Variants in CYP11A1 observed in about 807,000 individuals in gnomAD.
The protein encoded by CYP11A1 is cholesterol side-chain cleavage enzyme, mitochondrial.
Under a neutral mutation model 51.9 loss-of-function variants are expected in CYP11A1, and 25 were observed. The ratio of observed to expected loss-of-function variants is 0.48; its 90% confidence interval spans 0.35 to 0.67. CYP11A1 has a LOEUF of 0.67. Ranked by LOEUF, CYP11A1 falls within the 30% of genes least tolerant of loss-of-function variation. The pLI is 0.00. For missense variants in CYP11A1, 578 were observed against 680.9 expected (o/e 0.85, Z 1.68); for synonymous variants, 245 against 262.1 (o/e 0.93, Z 0.63).
chr15:74,346,489 G>C (rs935399251), intron 2 of CYP11A1, among the ~76,000 whole-genome samples: 2 of 151,864 alleles, frequency 1.3e-5, no homozygotes, highest in South Asian at 4.2e-4. Flanking sequence ...ATTTTGACTG[G>C]TGTGTACCAC....
At chr15:74,344,982 AGAGTGAACACT>A (rs777958141) in intron 3 of CYP11A1, 51 bp downstream of exon 3, 2 of 1,458,266 alleles carry the variant, frequency 1.4e-6, no homozygotes, top group East Asian at 4.5e-5. Flanking sequence ...TCAAGGTAAG[AGAGTGAACACT>A]GAGTCCTCCC....
intron 1 of CYP11A1, among the ~76,000 whole-genome samples, chr15:74,348,719 T>G (rs2060643046): frequency 6.6e-6 from 1 of 152,216 alleles, no homozygotes; most frequent in South Asian, 2.1e-4. Context: ...CAATCTGTAT[T>G]AAATACAACT....
intron 2 of CYP11A1, among the ~76,000 whole-genome samples, chr15:74,346,746 G>C (rs2060634635): frequency 6.6e-6 from 1 of 151,164 alleles, no homozygotes; most frequent in African/African-American, 2.4e-5. Flanking sequence ...GAGAGCCCCA[G>C]TTGCTCTGTA....
chr15:74,360,198 G>C (rs936736411), intron 1 of CYP11A1, among the ~76,000 whole-genome samples: 9 of 152,182 alleles, frequency 5.9e-5, no homozygotes, highest in African/African-American at 1.7e-4. Context: ...AAGGCCTGGG[G>C]ACACGTGGAG....
At chr15:74,361,158 G>A (rs1170602217) in intron 1 of CYP11A1, among the ~76,000 whole-genome samples, 2 of 152,116 alleles carry the variant, frequency 1.3e-5, no homozygotes, top group East Asian at 3.9e-4. Flanking sequence ...AGATGAATCA[G>A]AGGGCCCCTG....
intron 1 of CYP11A1, among the ~76,000 whole-genome samples, chr15:74,357,169 T>C (rs2060684198): frequency 6.6e-6 from 1 of 152,328 alleles, no homozygotes; most frequent in Non-Finnish European, 1.5e-5. Context: ...TATTCTGTTC[T>C]GGATCTCAAA....
intron 2 of CYP11A1, among the ~76,000 whole-genome samples, chr15:74,346,466 A>T (rs1352204113): frequency 6.6e-6 from 1 of 151,416 alleles, no homozygotes; most frequent in African/African-American, 2.4e-5. Context: ...GCTGTGGGAG[A>T]CTGAGTCCCT....
chr15:74,357,989 G>A (rs2060688862), intron 1 of CYP11A1, among the ~76,000 whole-genome samples: 1 of 152,136 alleles, frequency 6.6e-6, no homozygotes, highest in Non-Finnish European at 1.5e-5. Flanking sequence ...TGAATTACAC[G>A]TCAATATTTA....
chr15:74,346,069 T>C (rs2060631280), intron 2 of CYP11A1, among the ~76,000 whole-genome samples: 1 of 152,080 alleles, frequency 6.6e-6, no homozygotes. Context: ...TAAAAAGCTG[T>C]CGGTCAGACA....
At chr15:74,354,091 G>C (rs146483496) in intron 1 of CYP11A1, among the ~76,000 whole-genome samples, 3,321 of 152,226 alleles carry the variant, frequency 0.022, 84 homozygotes, top group African/African-American at 0.066. Flanking sequence ...TCATTGCAAT[G>C]TGTTTGTTTG....
intron 1 of CYP11A1, among the ~76,000 whole-genome samples, chr15:74,353,662 T>G (rs1277055909): frequency 6.6e-6 from 1 of 152,196 alleles, no homozygotes; most frequent in Non-Finnish European, 1.5e-5. Flanking sequence ...CACTGTAGCC[T>G]CCAGGGTAAA....
At chr15:74,363,627 G>T (rs975346757) in intron 1 of CYP11A1, 1 of 152,162 alleles carries the variant, frequency 6.6e-6, no homozygotes, top group Non-Finnish European at 1.5e-5. Context: ...TCTCCCTGAC[G>T]AGCTGTATGC....
chr15:74,361,625 T>C, intron 1 of CYP11A1: 2 of 1,190,966 alleles, frequency 1.7e-6, no homozygotes, highest in Non-Finnish European at 2.5e-6. Flanking sequence ...TTGAGCTGTT[T>C]GCAGACAAGA....
chr15:74,355,393 C>T (rs2060674589), intron 1 of CYP11A1, among the ~76,000 whole-genome samples: 1 of 152,150 alleles, frequency 6.6e-6, no homozygotes, highest in South Asian at 2.1e-4. Context: ...AGGTACCTGA[C>T]ACCCAGGCAT....
chr15:74,348,175 T>A, intron 1 of CYP11A1, 120 bp from the exon 2 acceptor site: 3 of 1,113,382 alleles, frequency 2.7e-6, no homozygotes, highest in Non-Finnish European at 3.9e-6. Flanking sequence ...TCGAGGCCCT[T>A]AACCCCTCTG....
At chr15:74,339,385 T>G (rs750350590) in intron 6 of CYP11A1, 70 bp from the exon 7 acceptor site, 83 of 1,517,842 alleles carry the variant, frequency 5.5e-5, no homozygotes, top group Non-Finnish European at 7.2e-5. Context: ...CCCCACACCC[T>G]GTGTGGCATC....
intron 1 of CYP11A1, among the ~76,000 whole-genome samples, chr15:74,352,751 T>TG (rs1363123085): frequency 6.6e-6 from 1 of 152,232 alleles, no homozygotes. Flanking sequence ...GCCCACTCCT[T>TG]GCCTTGAGTT....
intron 1 of CYP11A1, chr15:74,363,701 G>A (rs942070510): frequency 6.6e-6 from 1 of 152,136 alleles, no homozygotes; most frequent in African/African-American, 2.4e-5. Flanking sequence ...CTCTTCAACT[G>A]GAATAACAGG....
intron 1 of CYP11A1, chr15:74,366,161 C>T: frequency 1.0e-6 from 1 of 985,558 alleles, no homozygotes; most frequent in Non-Finnish European, 1.2e-6. Context: ...TTCGGAATAG[C>T]GCGGCCCGGG....
Sources: allele counts gnomAD v4.1 joint callset (sites outside exome capture counted in the v4.1 genomes callset), GRCh38; gene constraint gnomAD v4.1.1; transcripts MANE v1.5; gene names NCBI Gene and HGNC (gene_info 2026-07-23, HGNC 2026-07-21).